Variants in C1orf21 observed in about 807,000 individuals in gnomAD.
C1orf21 encodes the protein uncharacterized protein C1orf21.
In C1orf21, 3 loss-of-function variants were observed where a neutral mutation model predicts 18.7. The observed-to-expected ratio is 0.16, with a 90% CI of 0.07 to 0.42. The LOEUF is 0.42. Among genes scored for constraint, C1orf21 ranks in the 10% least tolerant of loss-of-function variants. C1orf21 has a pLI of 0.99. For synonymous variants in C1orf21, 41 were observed against 46.4 expected, an observed-to-expected ratio of 0.88 and a Z score of 0.47; for missense variants, 104 against 143.6, an observed-to-expected ratio of 0.72 and a Z score of 1.41.
At chr1:184,606,640 T>C (rs1465642431) in intron 5 of C1orf21, among the ~76,000 whole-genome samples, 1 of 151,594 alleles carries the variant, frequency 6.6e-6, no homozygotes, top group Non-Finnish European at 1.5e-5. Flanking sequence ...ACAAAAAAAA[T>C]TTAGGAAAGG....
chr1:184,576,554 C>G (rs546743307), intron 3 of C1orf21, among the ~76,000 whole-genome samples: 1 of 152,236 alleles, frequency 6.6e-6, no homozygotes, highest in East Asian at 1.9e-4. Flanking sequence ...ATTGCCCTAG[C>G]CAACTGAAAT....
chr1:184,556,302 T>G (rs1658878407), intron 3 of C1orf21, among the ~76,000 whole-genome samples: 1 of 152,192 alleles, frequency 6.6e-6, no homozygotes, highest in Admixed American at 6.5e-5. Context: ...TCATACCAGG[T>G]ATACTCCTTG....
intron 1 of C1orf21, among the ~76,000 whole-genome samples, chr1:184,436,634 A>G (rs932438212): frequency 6.6e-6 from 1 of 152,184 alleles, no homozygotes; most frequent in Non-Finnish European, 1.5e-5. Context: ...AAGTTGGAAC[A>G]CATAAAGGTA....
chr1:184,481,539 G>T (rs570340606), intron 2 of C1orf21, among the ~76,000 whole-genome samples: 1 of 152,290 alleles, frequency 6.6e-6, no homozygotes, highest in African/African-American at 2.4e-5. Context: ...TATAGGTGCA[G>T]GGAGGGTCAA....
rs556205932 is a variant in C1orf21 at position 184,431,167 on chromosome 1, C to G, written c.-125+43799C>G. Among the ~76,000 whole-genome samples the G allele has an allele frequency of 3.2e-3, 485 of 152,230 alleles. 1 individual carries two copies. The highest frequency in any genetic ancestry group is 0.02 in the Middle Eastern group (6 of 294). ...AAAGAGCCCATATAGCCAAGACAAT[C>G]CTAAGCAAAAAGAACAAAGCTGAAG... On this transcript the variant is annotated intron_variant, in intron 1 of 5. Transcript: ENST00000235307.
chr1:184,508,885 A>G (rs1408149496), intron 3 of C1orf21, among the ~76,000 whole-genome samples: 1 of 152,198 alleles, frequency 6.6e-6, no homozygotes, highest in African/African-American at 2.4e-5. Context: ...ACTAAATACT[A>G]AAAGTTAATA....
intron 2 of C1orf21, among the ~76,000 whole-genome samples, chr1:184,487,633 A>G (rs1206709584): frequency 6.6e-6 from 1 of 152,234 alleles, no homozygotes; most frequent in Non-Finnish European, 1.5e-5. Context: ...CAGTTTTTAA[A>G]TGAGGATGTC....
intron 5 of C1orf21, among the ~76,000 whole-genome samples, chr1:184,608,960 A>G (rs1453895773): frequency 6.6e-6 from 1 of 152,122 alleles, no homozygotes; most frequent in Non-Finnish European, 1.5e-5. Context: ...GCCTTCTAGA[A>G]AGAGGGCCCT....
intron 1 of C1orf21, among the ~76,000 whole-genome samples, chr1:184,397,071 G>A (rs1030435166): frequency 6.6e-6 from 1 of 152,248 alleles, no homozygotes; most frequent in Middle Eastern, 3.4e-3. Context: ...GGGAACCCCC[G>A]TGTTTCAGAG....
intron 5 of C1orf21, among the ~76,000 whole-genome samples, chr1:184,617,423 G>GGA (rs1333848412): frequency 2.9e-4 from 44 of 152,296 alleles, no homozygotes; most frequent in Middle Eastern, 3.4e-3. Flanking sequence ...GATATTTATG[G>GGA]CATTGTGTGG....
chr1:184,470,809 G>A (rs1657484009), intron 1 of C1orf21, among the ~76,000 whole-genome samples: 1 of 152,024 alleles, frequency 6.6e-6, no homozygotes, highest in Admixed American at 6.5e-5. Flanking sequence ...AACCCAGGAG[G>A]TGGCGGTTGC....
At chr1:184,468,011 T>A (rs61008347) in intron 1 of C1orf21, among the ~76,000 whole-genome samples, 13,411 of 137,512 alleles carry the variant, frequency 0.098, 1,464 homozygotes, top group African/African-American at 0.28. Flanking sequence ...TGTGTGTGTG[T>A]GAGAGAGAGA....
intron 2 of C1orf21, among the ~76,000 whole-genome samples, chr1:184,484,307 C>A (rs12138103): frequency 1.3e-5 from 2 of 151,918 alleles, no homozygotes; most frequent in Non-Finnish European, 2.9e-5. Context: ...CTGCTCTAGG[C>A]CCTCCAGTAC....
chr1:184,464,523 T>A (rs1657358454), intron 1 of C1orf21, among the ~76,000 whole-genome samples: 2 of 152,246 alleles, frequency 1.3e-5, no homozygotes. Context: ...GTTGAGTTTC[T>A]GCTCTCTGCC....
At chr1:184,504,784 C>T (rs549704729) in intron 2 of C1orf21, among the ~76,000 whole-genome samples, 3 of 152,184 alleles carry the variant, frequency 2.0e-5, no homozygotes, top group Non-Finnish European at 4.4e-5. Context: ...GCTTTGTAGT[C>T]GTGGCTGTTT....
intron 2 of C1orf21, among the ~76,000 whole-genome samples, chr1:184,487,049 G>A (rs983998352): frequency 6.6e-6 from 1 of 152,252 alleles, no homozygotes; most frequent in Non-Finnish European, 1.5e-5. Context: ...GGGGATGAGG[G>A]AAGTTCTCAA....
At chr1:184,577,892 TA>T (rs1659215404) in intron 3 of C1orf21, among the ~76,000 whole-genome samples, 1 of 152,196 alleles carries the variant, frequency 6.6e-6, no homozygotes, top group South Asian at 2.1e-4. Context: ...AATCTAGTTT[TA>T]AAGCATGTTT....
chr1:184,458,132 C>T (rs1338326286), intron 1 of C1orf21, among the ~76,000 whole-genome samples: 4 of 152,136 alleles, frequency 2.6e-5, no homozygotes, highest in African/African-American at 7.2e-5. Context: ...TCGCCTGACC[C>T]GTTCTGGCTC....
At chr1:184,475,417 C>T (rs550028959) in intron 1 of C1orf21, among the ~76,000 whole-genome samples, 1 of 152,096 alleles carries the variant, frequency 6.6e-6, no homozygotes, top group Non-Finnish European at 1.5e-5. Context: ...AGTGTCTTAG[C>T]TCAGTCTGTT....
Sources: allele counts gnomAD v4.1 joint callset (sites outside exome capture counted in the v4.1 genomes callset), GRCh38; gene constraint gnomAD v4.1.1; transcripts MANE v1.5; gene names NCBI Gene and HGNC (gene_info 2026-07-23, HGNC 2026-07-21).